The following MSRA variants were observed in gnomAD, a reference collection of about 807,000 sequenced individuals.
MSRA encodes the protein mitochondrial peptide methionine sulfoxide reductase.
MSRA carries 54 observed loss-of-function variants against 31.3 expected under a neutral mutation model. The observed-to-expected ratio is 1.73, with a 90% CI of 1.39 to 2.17. The LOEUF is 2.17. MSRA is among the 30% of genes most tolerant of loss of function. MSRA has a pLI of 0.00. For missense variants in MSRA, 507 were observed against 300.9 expected (o/e 1.69, Z -5.07); for synonymous variants, 169 against 116.5 (o/e 1.45, Z -2.90).
At chr8:10,084,327 C>T (rs1168816974) in intron 1 of MSRA, among the ~76,000 whole-genome samples, 2 of 152,240 alleles carry the variant, frequency 1.3e-5, no homozygotes, top group African/African-American at 2.4e-5. Context: ...TGCTTTGCGG[C>T]CCTCTGCTGC....
chr8:10,209,746 G>T (rs939909295), intron 2 of MSRA, among the ~76,000 whole-genome samples: 22 of 152,134 alleles, frequency 1.4e-4, no homozygotes, highest in Non-Finnish European at 2.5e-4. Context: ...TACCTCTTAC[G>T]CCTTCAGGAC....
intron 5 of MSRA, among the ~76,000 whole-genome samples, chr8:10,402,357 T>C (rs1415334092): frequency 6.6e-6 from 1 of 152,264 alleles, no homozygotes; most frequent in East Asian, 1.9e-4. Context: ...GACAGGCCTC[T>C]GATGCTGAAC....
intron 1 of MSRA, among the ~76,000 whole-genome samples, chr8:10,165,189 T>G (rs1316965617): frequency 6.6e-6 from 1 of 152,216 alleles, no homozygotes; most frequent in Non-Finnish European, 1.5e-5. Flanking sequence ...CTGGCCGCCT[T>G]TTTGCTTTAT....
chr8:10,303,284 C>G (rs936710986), intron 4 of MSRA, among the ~76,000 whole-genome samples: 1 of 152,222 alleles, frequency 6.6e-6, no homozygotes, highest in African/African-American at 2.4e-5. Context: ...CTGTCGTCAA[C>G]TTCTCTCTCC....
chr8:10,134,889 C>T (rs1341392091), intron 1 of MSRA, among the ~76,000 whole-genome samples: 1 of 152,192 alleles, frequency 6.6e-6, no homozygotes, highest in Non-Finnish European at 1.5e-5. Context: ...AGAAATCAGT[C>T]CCAAAGAGCT....
chr8:10,317,905 G>C (rs1801818722), intron 4 of MSRA, among the ~76,000 whole-genome samples: 1 of 152,030 alleles, frequency 6.6e-6, no homozygotes, highest in Non-Finnish European at 1.5e-5. Context: ...ACGCATCTCT[G>C]GTCCCCACCG....
At chr8:10,425,486 T>C (rs561387418) in intron 5 of MSRA, among the ~76,000 whole-genome samples, 58 of 152,336 alleles carry the variant, frequency 3.8e-4, no homozygotes, top group African/African-American at 1.2e-3. Flanking sequence ...CCTCCCTGCG[T>C]GGACCCACTT....
At chr8:10,125,950 T>G (rs1348393949) in intron 1 of MSRA, among the ~76,000 whole-genome samples, 2 of 152,220 alleles carry the variant, frequency 1.3e-5, no homozygotes, top group Admixed American at 6.5e-5. Flanking sequence ...TCACAACTTT[T>G]ATGATTTGAG....
chr8:10,283,145 C>CAG (rs1333198715), intron 3 of MSRA, among the ~76,000 whole-genome samples: 13 of 144,968 alleles, frequency 9.0e-5, no homozygotes, highest in South Asian at 2.3e-4. Flanking sequence ...CACACACACA[C>CAG]ACACACACAC....
At chr8:10,386,609 G>T (rs1420750424) in intron 5 of MSRA, among the ~76,000 whole-genome samples, 1 of 152,128 alleles carries the variant, frequency 6.6e-6, no homozygotes, top group Non-Finnish European at 1.5e-5. Flanking sequence ...AGACACAATT[G>T]TTGGGCCTTA....
At chr8:10,188,172 G>C (rs1043514436) in intron 1 of MSRA, among the ~76,000 whole-genome samples, 2 of 152,212 alleles carry the variant, frequency 1.3e-5, no homozygotes, top group Non-Finnish European at 2.9e-5. Context: ...CATAATCAGT[G>C]TGTTGTCAAA....
intron 1 of MSRA, among the ~76,000 whole-genome samples, chr8:10,114,746 C>G (rs1182213890): frequency 1.3e-5 from 2 of 152,048 alleles, no homozygotes; most frequent in African/African-American, 2.4e-5. Flanking sequence ...CAAAAATTTA[C>G]TAAAGGGAAG....
chr8:10,428,519 A>T lies in MSRA; in HGVS notation c.*207A>T, dbSNP rs1270492223. On this transcript the variant is annotated 3_prime_UTR_variant, in exon 6 of 6. Coordinates refer to ENST00000317173, the MANE Select transcript of MSRA (RefSeq NM_012331.5). Reference sequence around the variant, plus strand: ...TTATCTCCTAATAAGTTATGGTGGGAGTGGAGCTGTGCAGTTTCCTGTGTC... The same window carrying T: ...TTATCTCCTAATAAGTTATGGTGGGTGTGGAGCTGTGCAGTTTCCTGTGTC... 1.8e-6 allele frequency: 1 copy of T among 562,188 alleles called. No homozygotes were observed. The highest frequency in any genetic ancestry group is 3.1e-6 in the Non-Finnish European group (1 of 322,628). The allele number at this position is 562,188 out of a possible 1,614,324, so 34.8% of individuals were successfully genotyped here. A position where few individuals can be genotyped will look rare whatever the true frequency, so the allele number is the denominator to read the frequency against.
At chr8:10,072,115 C>G (rs570473503) in intron 1 of MSRA, among the ~76,000 whole-genome samples, 6 of 152,104 alleles carry the variant, frequency 3.9e-5, no homozygotes, top group East Asian at 3.9e-4. Context: ...GACACACACC[C>G]TTAAGCAGAA....
chr8:10,361,925 C>T lies in MSRA; in HGVS notation c.543+41936C>T, dbSNP rs147003953. Among the ~76,000 whole-genome samples, 260 of 152,246 alleles carry T rather than the reference C, an allele frequency of 1.7e-3. 4 individuals carry two copies. The highest frequency in any genetic ancestry group is 5.8e-3 in the African/African-American group (242 of 41,534). On this transcript the variant is annotated intron_variant, in intron 5 of 5. Coordinates refer to ENST00000317173, the MANE Select transcript of MSRA (RefSeq NM_012331.5). ...TTTCTTCCTTACCGTTGTCTTCCCC[C>T]TCATTTCCTGGAAAGGGAAATCGTT...
chr8:10,190,063 G>A (rs1807374457), intron 1 of MSRA, among the ~76,000 whole-genome samples: 1 of 152,092 alleles, frequency 6.6e-6, no homozygotes, highest in Admixed American at 6.5e-5. Flanking sequence ...ATCTTTCTGT[G>A]TAAGCTCTGT....
chr8:10,135,087 C>T (rs904013962), intron 1 of MSRA, among the ~76,000 whole-genome samples: 1 of 152,208 alleles, frequency 6.6e-6, no homozygotes, highest in African/African-American at 2.4e-5. Context: ...GGTCAAAGAT[C>T]AATGAGAGAG....
intron 5 of MSRA, among the ~76,000 whole-genome samples, chr8:10,340,824 A>G (rs1803380193): frequency 6.6e-6 from 1 of 152,284 alleles, no homozygotes; most frequent in South Asian, 2.1e-4. Flanking sequence ...GGCATCAGCA[A>G]AGAGCATCTC....
intron 1 of MSRA, chr8:10,095,833 A>C (rs1799116925): frequency 1.6e-6 from 2 of 1,248,962 alleles, no homozygotes. Context: ...TTCAAAACGA[A>C]GCTTCCATAG....
Sources: gnomAD v4.1 joint callset for allele counts (sites outside exome capture counted in the v4.1 genomes callset) on GRCh38, gnomAD v4.1.1 for gene constraint, MANE v1.5 for transcripts, NCBI Gene and HGNC (gene_info 2026-07-23, HGNC 2026-07-21) for gene names.